Variants in CROCC2 observed in about 807,000 individuals in gnomAD.
CROCC2 encodes the protein ciliary rootlet coiled-coil, rootletin family member 2, also known as ciliary rootlet coiled-coil protein 2.
Under a neutral mutation model 177.6 loss-of-function variants are expected in CROCC2, and 163 were observed. The ratio of observed to expected loss-of-function variants is 0.92; its 90% CI spans 0.81 to 1.05. The LOEUF (loss-of-function observed/expected upper bound fraction) is 1.05. Among genes scored for constraint, CROCC2 ranks in the 50% least tolerant of loss-of-function variants. The pLI is 0.00. For missense variants in CROCC2, 1,929 were observed against 1,797.8 expected, an observed-to-expected ratio of 1.07 and a Z score of -1.32; for synonymous variants, 904 against 787.3, an observed-to-expected ratio of 1.15 and a Z score of -2.48.
chr2:240,961,468 G>A (rs1027392281), intron 20 of CROCC2, among the ~76,000 whole-genome samples: 2 of 151,798 alleles, frequency 1.3e-5, no homozygotes, highest in African/African-American at 4.8e-5. Context: ...GCATGCACAG[G>A]CATACAGACG....
rs941805880 is a variant in CROCC2 at position 240,930,986 on chromosome 2, G to A, written c.805G>A (p.Ala269Thr). 4 of 715,758 alleles carry A rather than the reference G, an allele frequency of 5.6e-6. No individual in the cohort carries two copies. Among genetic ancestry groups the A allele is most frequent in the Admixed American group, 2.0e-5 (1 of 49,990 alleles). The allele number at this position is 715,758 out of a possible 1,614,324, so 44.3% of individuals were successfully genotyped here. A position where few individuals can be genotyped will look rare whatever the true frequency, so the allele number is the denominator to read the frequency against. ...CAGGACAGCCCGCCGCCTGCACACC[G>A]CCTGCCTGAACCTCGACTCCAACCT... ...TARTARRLHT[A>T]CLNLDSNLRL... Residue 269 changes from alanine (A) to threonine (T), a missense_variant, in exon 7 of 32, where the codon GCC becomes ACC. Transcript: ENST00000690015.
Position 240,992,175 on chromosome 2 carries a change from C to T in CROCC2, c.4947-891C>T, listed in dbSNP as rs577969788. ...CATCTGCACCCCTCGTCTCCATCACCGTTGCTCAGAGTGACTTGTTCTCCT... is the reference window on the plus strand; with the variant it reads ...CATCTGCACCCCTCGTCTCCATCACTGTTGCTCAGAGTGACTTGTTCTCCT... On this transcript the variant is annotated intron_variant, in intron 31 of 31. Transcript: ENST00000690015. 1.3e-3 allele frequency among the ~76,000 whole-genome samples: 200 copies of T among 152,322 alleles called. 1 individual carries two copies. Among genetic ancestry groups the T allele is most frequent in the South Asian group, 2.9e-3 (14 of 4,826 alleles).
At chr2:240,964,742 C>G in intron 22 of CROCC2, 117 bp downstream of exon 22, 1 of 1,297,394 alleles carries the variant, frequency 7.7e-7, no homozygotes, top group South Asian at 1.5e-5. Context: ...ACCACTCTGT[C>G]CCCAGACTTT....
intron 25 of CROCC2, among the ~76,000 whole-genome samples, chr2:240,967,124 C>T (rs554024492): frequency 3.5e-4 from 53 of 152,152 alleles, no homozygotes; most frequent in Non-Finnish European, 5.7e-4. Flanking sequence ...TCTCACTGGG[C>T]GCCTCCACCT....
At chr2:240,942,673 C>G (rs945161726) in intron 14 of CROCC2, among the ~76,000 whole-genome samples, 7 of 152,114 alleles carry the variant, frequency 4.6e-5, no homozygotes, top group African/African-American at 1.7e-4. Context: ...TTGCCTTTAT[C>G]CAGTCCAGGA....
At chr2:240,915,399 G>A (rs545210054) in intron 1 of CROCC2, among the ~76,000 whole-genome samples, 2 of 152,334 alleles carry the variant, frequency 1.3e-5, no homozygotes, top group East Asian at 3.9e-4. Flanking sequence ...CCAGTTGGGG[G>A]CAGGCAGCTG....
chr2:240,918,687 G>A lies in CROCC2; in HGVS notation c.79-39G>A, dbSNP rs1417952164. ...GTAGAGGGTGCCTGGCAGCTGTTGG[G>A]GGCTGCCATCTCCAGGTATCTCTGG... is the stretch of plus-strand genomic sequence containing the variant. On this transcript the variant is annotated intron_variant, in intron 1 of 31. Transcript: ENST00000690015. This position sits in a 1 kb window ranked among gnomAD's most constrained non-coding sequence, Gnocchi z 6.3. 1.8e-5 allele frequency: 10 copies of A among 541,628 alleles called. No homozygotes were observed. Among genetic ancestry groups the A allele is most frequent in the Non-Finnish European group, 3.0e-5 (9 of 300,532 alleles). 33.6% of individuals were successfully genotyped at this position (541,628 alleles called of 1,614,324 possible).
Position 240,955,931 on chromosome 2 carries a change from C to T in CROCC2, c.2902C>T (p.Arg968Trp), listed in dbSNP as rs1348931479. 4.6e-6 allele frequency: 7 copies of T among 1,534,720 alleles called. No homozygotes were observed. The highest frequency in any genetic ancestry group is 6.1e-6 in the Non-Finnish European group (7 of 1,146,916). The change falls in exon 19 of 32, where the codon CGG becomes TGG. Residue 968 changes from arginine to tryptophan, a missense_variant. By Grantham distance (101) the Arg-to-Trp change is moderately radical. Around this residue, in one of 3 missense-constraint regions of CROCC2, gnomAD observed 1,397 missense variants for 1,239.9 expected, o/e 1.13. Coordinates refer to ENST00000690015, the MANE Select transcript of CROCC2 (RefSeq NM_001351305.2). ...CTCCAGGGCCAGGAGGACGCTAGAG[C>T]GGGTACAGCAGGAGGCACAGAGCCA... is the stretch of plus-strand genomic sequence containing the variant. ...ELSRARRTLERVQQEAQSQQE... is the reference protein window; with the variant it reads ...ELSRARRTLEWVQQEAQSQQE...
rs896202352 is a variant in CROCC2 at position 240,983,960 on chromosome 2, A to G, written c.4551+931A>G. On this transcript the variant is annotated intron_variant, in intron 28 of 31. Transcript: ENST00000690015. ...CTGCGGCTGGAGCAACAGGTGGGCC[A>G]GCCTGTGCAGGTGCCCCACAACCTC... 3.1e-4 allele frequency among the ~76,000 whole-genome samples: 47 copies of G among 152,126 alleles called. 1 individual carries two copies. The highest frequency in any genetic ancestry group is 3.0e-3 in the Admixed American group (46 of 15,280).
At chr2:240,941,822 G>A (rs919470278) in intron 14 of CROCC2, among the ~76,000 whole-genome samples, 5 of 152,204 alleles carry the variant, frequency 3.3e-5, no homozygotes, top group Admixed American at 2.0e-4. Context: ...CTTACTAATT[G>A]TGATAGTATT....
chr2:240,950,762 CCCAT>C (rs1455579959), intron 18 of CROCC2: 87 of 476,690 alleles, frequency 1.8e-4, no homozygotes, highest in Middle Eastern at 5.5e-4. Context: ...CACCCAGCTA[CCCAT>C]CCATCCATCC....
intron 27 of CROCC2, among the ~76,000 whole-genome samples, chr2:240,976,570 G>A (rs1334498155): frequency 4.8e-4 from 50 of 104,288 alleles, no homozygotes; most frequent in Non-Finnish European, 7.2e-4. Context: ...TGGGGTAGGA[G>A]CCTCAGGATC....
chr2:240,986,541 ACG>A, intron 28 of CROCC2, among the ~76,000 whole-genome samples: 3 of 152,340 alleles, frequency 2.0e-5, no homozygotes, highest in African/African-American at 7.2e-5. Context: ...TGCCGGCTCC[ACG>A]ACCCATCCAC....
chr2:240,961,962 C>G (rs543110030), intron 20 of CROCC2, among the ~76,000 whole-genome samples: 164 of 150,914 alleles, frequency 1.1e-3, no homozygotes, highest in Admixed American at 3.4e-3. Context: ...CGTATGCACA[C>G]CACGTACAGA....
At position 240,989,719 on chromosome 2, in the gene CROCC2, G is replaced by C. The variant is rs1407641234; in HGVS notation, c.4749G>C (p.Gln1583His). ...TCCAGGACCTGACAGCTCAGCACCA[G>C]CGGGACCTGGCCACAGAGGCAGAGC... ...QRLQDLTAQH[Q>H]RDLATEAERL... The change falls in exon 30 of 32, where the codon CAG becomes CAC. Residue 1583 changes from glutamine (Q) to histidine (H), a missense_variant. Around this residue, in one of 3 missense-constraint regions of CROCC2, gnomAD observed 388 missense variants for 352.7 expected, o/e 1.10. Coordinates refer to ENST00000690015, the MANE Select transcript of CROCC2 (RefSeq NM_001351305.2). 1.1e-5 allele frequency: 17 copies of C among 1,550,300 alleles called. No individual in the cohort carries two copies. Among genetic ancestry groups the C allele is most frequent in the Non-Finnish European group, 1.5e-5 (17 of 1,146,912 alleles).
Position 240,950,315 on chromosome 2 carries a change from T to A in CROCC2, c.2653-19T>A. The A allele has an allele frequency of 6.5e-7, 1 of 1,547,056 alleles. No homozygotes were observed. The stretch of plus-strand genomic sequence containing the variant: ...CTCACCTGCCGGACCTCACAGCCCA[T>A]CCCTTTACCTTGGCCCAGGAGACCC... On this transcript the variant is annotated intron_variant, in intron 17 of 31. Coordinates refer to ENST00000690015, the MANE Select transcript of CROCC2 (RefSeq NM_001351305.2).
Position 240,955,870 on chromosome 2 carries a change from G to A in CROCC2, c.2841G>A (p.Leu947=). 6.5e-7 allele frequency: 1 copy of A among 1,535,024 alleles called. No individual in the cohort carries two copies. Among genetic ancestry groups the A allele is most frequent in the Non-Finnish European group, 8.7e-7 (1 of 1,146,780 alleles). ...LEHKMQQALS[L]KETERSLLSE... is the part of the protein sequence containing the mutation. ...CCCGTCCTGTTCAGGCCCTGTCCCT[G>A]AAAGAAACAGAGCGGAGCCTTCTGA... Residue 947 remains leucine (L), a synonymous_variant, in exon 19 of 32, where the codon CTG becomes CTA. Transcript: ENST00000690015.
At position 240,949,685 on chromosome 2, in the gene CROCC2, C is replaced by A; in HGVS notation, c.2635C>A (p.Gln879Lys). The A allele has an allele frequency of 6.5e-7, 1 of 1,547,566 alleles. No homozygotes were observed. The highest frequency in any genetic ancestry group is 8.7e-7 in the Non-Finnish European group (1 of 1,145,726). ...GTTGGCCCACCGAGAGGCCCTGGCA[C>A]AGCTCCAAAGGGAGAAGGTCTGCTT... ...QALAHREALA[Q>K]LQREKETLSL... The change falls in exon 17 of 32, where the codon CAG (glutamine) becomes AAG (lysine). Residue 879 changes from glutamine (Q) to lysine (K), a missense_variant. By Grantham distance (53) the Gln-to-Lys change is moderately conservative. Coordinates refer to ENST00000690015, the MANE Select transcript of CROCC2 (RefSeq NM_001351305.2). The surrounding 1 kb of genome is among the most constrained non-coding windows in gnomAD (Gnocchi z 4.5).
At chr2:240,920,851 C>T (rs917905667) in intron 3 of CROCC2, among the ~76,000 whole-genome samples, 3 of 152,226 alleles carry the variant, frequency 2.0e-5, no homozygotes, top group African/African-American at 2.4e-5. Flanking sequence ...CTATGTCAGC[C>T]GCTCCAAGAC....
Sources: gnomAD v4.1 joint callset for allele counts (sites outside exome capture counted in the v4.1 genomes callset) on GRCh38, gnomAD v4.1.1 for gene constraint, gnomAD v4.1.1 regional missense constraint, Gnocchi (gnomAD v3.1) non-coding constraint, MANE v1.5 for transcripts, NCBI Gene and HGNC (gene_info 2026-07-23, HGNC 2026-07-21) for gene names.